ACOXL: variants seen among roughly 807,000 people sequenced by gnomAD.
The protein encoded by ACOXL is acyl-coenzyme A oxidase-like protein.
ACOXL carries 70 observed loss-of-function variants against 71.9 expected under a neutral mutation model. That is an observed-to-expected ratio of 0.97 (90% CI 0.80 to 1.19). The LOEUF (loss-of-function observed/expected upper bound fraction) is 1.19. Among genes scored for constraint, ACOXL ranks in the 50% most tolerant of loss-of-function variants. ACOXL has a pLI of 0.00. For synonymous variants in ACOXL, 253 were observed against 281.6 expected, an observed-to-expected ratio of 0.90 and a Z score of 1.02; for missense variants, 703 against 736.3, an observed-to-expected ratio of 0.95 and a Z score of 0.52.
At chr2:110,935,717 G>C (rs890766867) in intron 12 of ACOXL, among the ~76,000 whole-genome samples, 3 of 152,294 alleles carry the variant, frequency 2.0e-5, no homozygotes, top group Non-Finnish European at 2.9e-5. Context: ...TCTGACACCA[G>C]ATGTGTGGCT....
intron 16 of ACOXL, among the ~76,000 whole-genome samples, chr2:111,079,329 C>T (rs1260238050): frequency 6.6e-6 from 1 of 152,154 alleles, no homozygotes; most frequent in East Asian, 1.9e-4. Flanking sequence ...TTATTTAGTT[C>T]CCACTTATAA....
intron 11 of ACOXL, among the ~76,000 whole-genome samples, chr2:110,911,889 G>A (rs2059663904): frequency 6.6e-6 from 1 of 152,002 alleles, no homozygotes; most frequent in African/African-American, 2.4e-5. Flanking sequence ...AATAATAAAA[G>A]TCATGTAAAC....
intron 12 of ACOXL, among the ~76,000 whole-genome samples, chr2:110,940,272 A>G (rs1405510695): frequency 1.3e-5 from 2 of 152,176 alleles, no homozygotes; most frequent in Non-Finnish European, 2.9e-5. Context: ...CTGATCAAAC[A>G]GAAAGGGTCT....
intron 14 of ACOXL, among the ~76,000 whole-genome samples, chr2:111,008,535 A>G (rs2063983114): frequency 6.6e-6 from 1 of 152,178 alleles, no homozygotes; most frequent in Non-Finnish European, 1.5e-5. Flanking sequence ...TGTGTATTTA[A>G]TCCTTCCTCC....
rs375596741 is a variant in ACOXL, at chr2:111,033,205, C to T, written c.1369+1491C>T. ...CATGGAGGAGGAGCGAGGAGAGGGA[C>T]CAGGAGCATCAGGGACTATGGGTCA... On this transcript the variant is annotated intron_variant, in intron 15 of 17. Coordinates refer to ENST00000439055, the MANE Select transcript of ACOXL (RefSeq NM_001142807.4). 2.3e-4 allele frequency among the ~76,000 whole-genome samples: 35 copies of T among 152,226 alleles called. No homozygotes were observed. In the South Asian group the frequency reaches 6.7e-3, roughly 29 times the overall value.
At position 111,092,878 on chromosome 2, in the gene ACOXL, A is replaced by G. The variant is rs370944721; in HGVS notation, c.1454A>G (p.Tyr485Cys). 4 of 1,613,640 alleles carry G rather than the reference A, an allele frequency of 2.5e-6. No homozygotes were observed. Among genetic ancestry groups the G allele is most frequent in the East Asian group, 4.5e-5 (2 of 44,878 alleles). ...CCCACCCCTTAGTTTTGTCTGTTGT[A>G]TGGAACCAAGCTGGTGTTTCAGGAG... is the stretch of plus-strand genomic sequence containing the variant. ...QTLLMKFCLL[Y>C]GTKLVFQERA... The change falls in exon 17 of 18, where the codon TAT becomes TGT. Residue 485 changes from tyrosine (Y) to cysteine (C), a missense_variant. Physicochemically the swap from Tyr to Cys is radical, Grantham distance 194 (BLOSUM62 -2). Transcript: ENST00000439055.
At chr2:110,906,547 A>T (rs1174757817) in intron 10 of ACOXL, among the ~76,000 whole-genome samples, 1 of 150,956 alleles carries the variant, frequency 6.6e-6, no homozygotes, top group Non-Finnish European at 1.5e-5. Flanking sequence ...CAAAAAAAAA[A>T]AAAAAAAAAT....
chr2:110,802,166 A>G (rs1472374976), intron 8 of ACOXL, among the ~76,000 whole-genome samples: 1 of 152,226 alleles, frequency 6.6e-6, no homozygotes, highest in African/African-American at 2.4e-5. Flanking sequence ...TAAATGGTTT[A>G]TAAGTTATGT....
At chr2:110,783,468 T>C (rs987219464) in intron 2 of ACOXL, among the ~76,000 whole-genome samples, 1 of 152,162 alleles carries the variant, frequency 6.6e-6, no homozygotes, top group African/African-American at 2.4e-5. Flanking sequence ...AAATTAATAA[T>C]GGTTGAGAGA....
At chr2:110,972,236 G>A (rs1038820047) in intron 12 of ACOXL, among the ~76,000 whole-genome samples, 2 of 152,158 alleles carry the variant, frequency 1.3e-5, no homozygotes, top group African/African-American at 4.8e-5. Context: ...AGAAAGCAGG[G>A]CACCCTGTGC....
rs369406034 is a variant in ACOXL at position 110,849,722 on chromosome 2, C to T, written c.788+8317C>T. On this transcript the variant is annotated intron_variant, in intron 10 of 17. Coordinates refer to ENST00000439055, the MANE Select transcript of ACOXL (RefSeq NM_001142807.4). ...GCAGTGAGCCGCGATTGCACTACTG[C>T]ACTCCAGACTGGGTGACAGAGTGAG... 1.4e-4 allele frequency among the ~76,000 whole-genome samples: 22 copies of T among 152,116 alleles called. No homozygotes were observed. In the East Asian group the frequency reaches 3.5e-3, roughly 24 times the overall value.
chr2:111,086,597 C>G (rs1341370971), intron 16 of ACOXL, among the ~76,000 whole-genome samples: 1 of 152,086 alleles, frequency 6.6e-6, no homozygotes, highest in Admixed American at 6.6e-5. Flanking sequence ...GGGTTTTTAA[C>G]ATGAAGGAAT....
intron 1 of ACOXL, among the ~76,000 whole-genome samples, chr2:110,756,600 G>A (rs1446966967): frequency 6.6e-6 from 1 of 152,008 alleles, no homozygotes; most frequent in Non-Finnish European, 1.5e-5. Flanking sequence ...CATGTCAATT[G>A]TTGATCTATT....
chr2:110,869,285 A>G (rs1694980864), intron 10 of ACOXL, among the ~76,000 whole-genome samples: 1 of 152,114 alleles, frequency 6.6e-6, no homozygotes, highest in Non-Finnish European at 1.5e-5. Context: ...GTGTATTGTA[A>G]ATCCCGTATC....
At chr2:111,066,651 G>A (rs2067088276) in intron 16 of ACOXL, among the ~76,000 whole-genome samples, 1 of 152,086 alleles carries the variant, frequency 6.6e-6, no homozygotes, top group Non-Finnish European at 1.5e-5. Context: ...GCTTAAAAAT[G>A]CACTGAAAAC....
At chr2:111,093,327 A>C (rs1574740456) in intron 17 of ACOXL, among the ~76,000 whole-genome samples, 1 of 151,882 alleles carries the variant, frequency 6.6e-6, no homozygotes, top group East Asian at 1.9e-4. Flanking sequence ...GGGTATTTTT[A>C]TGTCAGTGGT....
At chr2:110,944,689 T>C (rs1038967712) in intron 12 of ACOXL, among the ~76,000 whole-genome samples, 1 of 152,238 alleles carries the variant, frequency 6.6e-6, no homozygotes, top group Non-Finnish European at 1.5e-5. Context: ...TTCCTTTTTA[T>C]GGCAGTGTAG....
At chr2:110,952,515 G>A (rs996009287) in intron 12 of ACOXL, among the ~76,000 whole-genome samples, 1 of 152,126 alleles carries the variant, frequency 6.6e-6, no homozygotes, top group African/African-American at 2.4e-5. Flanking sequence ...AGGCTAGAGT[G>A]CAGTAGCGTG....
chr2:110,888,948 C>T (rs568920721), intron 10 of ACOXL, among the ~76,000 whole-genome samples: 1 of 152,208 alleles, frequency 6.6e-6, no homozygotes, highest in East Asian at 1.9e-4. Context: ...GCAAACCTGT[C>T]TGTCTAAAGA....
Sources: gnomAD v4.1 joint callset for allele counts (sites outside exome capture counted in the v4.1 genomes callset) on GRCh38, gnomAD v4.1.1 for gene constraint, MANE v1.5 for transcripts, NCBI Gene and HGNC (gene_info 2026-07-23, HGNC 2026-07-21) for gene names.